The following GRIN2A variants were observed in gnomAD, a reference collection of about 807,000 sequenced individuals.
GRIN2A encodes glutamate receptor ionotropic, NMDA 2A.
A neutral mutation model predicts 113.4 loss-of-function variants in GRIN2A; 22 were observed. The observed-to-expected ratio is 0.19, with a 90% CI of 0.14 to 0.28. The LOEUF is 0.28. Among genes scored for constraint, GRIN2A ranks in the 10% least tolerant of loss-of-function variants. The pLI, the probability that GRIN2A is intolerant of heterozygous loss-of-function variation, is 1.00. For missense variants in GRIN2A, 1,502 were observed against 1,887.0 expected, an observed-to-expected ratio of 0.80 and a Z score of 3.78; for synonymous variants, 827 against 738.4, an observed-to-expected ratio of 1.12 and a Z score of -1.94.
At chr16:9,775,796 T>C (rs1044514077) in intron 11 of GRIN2A, among the ~76,000 whole-genome samples, 1 of 152,230 alleles carries the variant, frequency 6.6e-6, no homozygotes, top group African/African-American at 2.4e-5. Context: ...GTTGCTCATG[T>C]TTCTCCAGTC....
At chr16:10,107,445 A>G (rs576442506) in intron 2 of GRIN2A, among the ~76,000 whole-genome samples, 1 of 152,338 alleles carries the variant, frequency 6.6e-6, no homozygotes, top group South Asian at 2.1e-4. Flanking sequence ...AGGTAGTTGC[A>G]TGAGGAGTAC....
At chr16:10,146,104 C>T (rs2049433561) in intron 2 of GRIN2A, among the ~76,000 whole-genome samples, 1 of 152,126 alleles carries the variant, frequency 6.6e-6, no homozygotes, top group Non-Finnish European at 1.5e-5. Flanking sequence ...GGATGCATAT[C>T]CACTCATCCA....
intron 9 of GRIN2A, among the ~76,000 whole-genome samples, chr16:9,823,967 G>A (rs2042338377): frequency 6.6e-6 from 1 of 152,182 alleles, no homozygotes; most frequent in African/African-American, 2.4e-5. Flanking sequence ...TTCCAGACCA[G>A]TGTGTCTTCC....
chr16:9,965,370 T>C (rs899420733), intron 2 of GRIN2A, among the ~76,000 whole-genome samples: 1 of 152,102 alleles, frequency 6.6e-6, no homozygotes, highest in Non-Finnish European at 1.5e-5. Context: ...ACTGGGGAGA[T>C]GGAACAAAAA....
chr16:10,026,676 C>T (rs1468107689), intron 2 of GRIN2A, among the ~76,000 whole-genome samples: 1 of 147,672 alleles, frequency 6.8e-6, no homozygotes, highest in Non-Finnish European at 1.5e-5. Context: ...AAGACCACCA[C>T]CAGCAGACAT....
chr16:9,804,295 G>T (rs1039850714), intron 10 of GRIN2A, among the ~76,000 whole-genome samples: 3 of 152,152 alleles, frequency 2.0e-5, no homozygotes, highest in African/African-American at 7.2e-5. Context: ...AGAGTGACGT[G>T]TTAGGCTGCA....
intron 3 of GRIN2A, among the ~76,000 whole-genome samples, chr16:9,927,026 C>G (rs535048895): frequency 1.6e-4 from 24 of 152,004 alleles, no homozygotes; most frequent in Admixed American, 4.6e-4. Flanking sequence ...TAACTTCTGG[C>G]TCCATTTTAC....
intron 8 of GRIN2A, among the ~76,000 whole-genome samples, chr16:9,831,136 C>T (rs1046346824): frequency 6.6e-6 from 1 of 152,156 alleles, no homozygotes; most frequent in Non-Finnish European, 1.5e-5. Context: ...GTTGCCACAG[C>T]AGATGAGCTG....
chr16:9,988,176 T>A (rs890357800), intron 2 of GRIN2A, among the ~76,000 whole-genome samples: 1 of 151,988 alleles, frequency 6.6e-6, no homozygotes, highest in Admixed American at 6.6e-5. Context: ...ACAGTTGATG[T>A]CAGGGGCAGG....
chr16:9,850,631 G>A (rs998792912), intron 4 of GRIN2A, among the ~76,000 whole-genome samples: 1 of 152,146 alleles, frequency 6.6e-6, no homozygotes, highest in Admixed American at 6.5e-5. Context: ...ACAGAGAAGA[G>A]ATGGAGCAGG....
At chr16:10,074,444 G>C (rs994589196) in intron 2 of GRIN2A, among the ~76,000 whole-genome samples, 24 of 152,182 alleles carry the variant, frequency 1.6e-4, no homozygotes, top group African/African-American at 5.1e-4. Flanking sequence ...GTTCATAGCA[G>C]CATTACTGAT....
intron 3 of GRIN2A, among the ~76,000 whole-genome samples, chr16:9,903,636 G>C (rs556676600): frequency 6.6e-6 from 1 of 152,244 alleles, no homozygotes; most frequent in East Asian, 1.9e-4. Flanking sequence ...CACCCCTCAT[G>C]ATCATCTCAA....
chr16:9,832,978 G>C (rs1055971388), intron 8 of GRIN2A, among the ~76,000 whole-genome samples: 2 of 152,176 alleles, frequency 1.3e-5, no homozygotes, highest in African/African-American at 4.8e-5. Flanking sequence ...TAAGTGAAAA[G>C]AATATGTATC....
intron 2 of GRIN2A, among the ~76,000 whole-genome samples, chr16:10,099,013 C>T (rs1041640823): frequency 6.8e-6 from 1 of 147,816 alleles, no homozygotes. Context: ...TGGGTTATTT[C>T]AGTTTGTGTT....
rs1010803239 is a variant in GRIN2A, at chr16:9,845,419, T to C, written c.1329-4315A>G. Among the ~76,000 whole-genome samples the C allele has an allele frequency of 3.3e-5, 5 of 152,306 alleles. No homozygotes were observed. The East Asian group carries it at 5.8e-4, about 18-fold the overall frequency. On this transcript the variant is annotated intron_variant, in intron 5 of 12. Coordinates refer to ENST00000330684, the MANE Select transcript of GRIN2A (RefSeq NM_001134407.3). ...CACGGGGCCTCAGTTGATTGCCCTA[T>C]TGAAACACAGAGGGTATTGTTATCA... is the stretch of plus-strand genomic sequence containing the variant.
At chr16:9,775,808 T>C (rs930634447) in intron 11 of GRIN2A, among the ~76,000 whole-genome samples, 3 of 152,236 alleles carry the variant, frequency 2.0e-5, no homozygotes, top group African/African-American at 7.2e-5. Context: ...TCTCCAGTCA[T>C]GGCCCCCTGA....
At chr16:10,147,455 CAAAAAAAAAAAA>C (rs367830700) in intron 2 of GRIN2A, among the ~76,000 whole-genome samples, 2 of 72,942 alleles carry the variant, frequency 2.7e-5, no homozygotes, top group African/African-American at 6.3e-5. Flanking sequence ...ACTAAAAATA[CAAAAAAAAAAAA>C]AAAAAAAAAA....
chr16:10,180,316 G>C lies in GRIN2A; in HGVS notation c.96C>G (p.Pro32=). 1 of 1,610,876 alleles carries C rather than the reference G, an allele frequency of 6.2e-7. No homozygotes were observed. Among genetic ancestry groups the C allele is most frequent in the Middle Eastern group, 1.7e-4 (1 of 6,060 alleles). ...CCAGCATCACCGCAATATTTAGCGC[G>C]GGGGGACCCTTCTCCGCCGCCGCGC... is the stretch of plus-strand genomic sequence containing the variant. ...APSAAAEKGP[P]ALNIAVMLGH... The change falls in exon 2 of 13, where the codon CCC becomes CCG. Residue 32 remains proline (P), a synonymous_variant. Transcript: ENST00000330684. This position sits in a 1 kb window ranked among gnomAD's most constrained non-coding sequence, Gnocchi z 7.0.
intron 2 of GRIN2A, among the ~76,000 whole-genome samples, chr16:10,071,910 A>G (rs957405196): frequency 2.6e-5 from 4 of 152,220 alleles, no homozygotes; most frequent in Admixed American, 2.0e-4. Flanking sequence ...TCCATTTCAC[A>G]GAGAAGGAAA....
Sources: gnomAD v4.1 joint callset for allele counts (sites outside exome capture counted in the v4.1 genomes callset) on GRCh38, gnomAD v4.1.1 for gene constraint, Gnocchi (gnomAD v3.1) non-coding constraint, MANE v1.5 for transcripts, NCBI Gene and HGNC (gene_info 2026-07-23, HGNC 2026-07-21) for gene names.